Variants in ABHD2 observed in about 807,000 individuals in gnomAD.
ABHD2 encodes the protein monoacylglycerol lipase ABHD2.
Under a neutral mutation model 48.1 loss-of-function variants are expected in ABHD2, and 20 were observed. The ratio of observed to expected loss-of-function variants is 0.42; its 90% CI spans 0.29 to 0.60. The LOEUF (loss-of-function observed/expected upper bound fraction) is 0.60. Ranked by LOEUF, ABHD2 falls within the 20% of genes least tolerant of loss-of-function variation. ABHD2 has a pLI of 0.24. For synonymous variants in ABHD2, 209 were observed against 214.2 expected (o/e 0.98, Z 0.21); for missense variants, 405 against 550.9 (o/e 0.74, Z 2.65).
upstream of ABHD2, among the ~76,000 whole-genome samples, chr15:89,083,896 A>T (rs1901316210): frequency 1.3e-5 from 2 of 152,220 alleles, no homozygotes; most frequent in Admixed American, 6.5e-5. This position sits in a 1 kb window ranked among gnomAD's most constrained non-coding sequence, Gnocchi z 5.1. Context: ...ATAAGAAGCC[A>T]GACAGTCGAC....
At chr15:89,056,456 C>G in the ABHD2 span, among the ~76,000 whole-genome samples, 89 of 152,114 alleles carry the variant, frequency 5.9e-4, no homozygotes, top group African/African-American at 2.1e-3. Flanking sequence ...TCCTGGCTAA[C>G]ACGGTGAAAC....
At chr15:89,132,355 C>T (rs1479624093) in intron 3 of ABHD2, among the ~76,000 whole-genome samples, 1 of 152,106 alleles carries the variant, frequency 6.6e-6, no homozygotes, top group Non-Finnish European at 1.5e-5. Context: ...TTGCTCCCTC[C>T]CTTAACTATA....
At chr15:89,072,241 C>A in the ABHD2 span, among the ~76,000 whole-genome samples, 1 of 151,994 alleles carries the variant, frequency 6.6e-6, no homozygotes, top group African/African-American at 2.4e-5. Flanking sequence ...TCTGGGAGAC[C>A]GAGGCAGGTG....
chr15:89,107,460 A>T (rs1266547996), intron 1 of ABHD2, among the ~76,000 whole-genome samples: 1 of 152,176 alleles, frequency 6.6e-6, no homozygotes, highest in East Asian at 1.9e-4. Flanking sequence ...GGTCGTTTCT[A>T]TCTGTCAACT....
the ABHD2 span, among the ~76,000 whole-genome samples, chr15:89,058,051 A>G: frequency 6.6e-6 from 1 of 152,242 alleles, no homozygotes; most frequent in Non-Finnish European, 1.5e-5. Context: ...CTATGTCTGC[A>G]TATTTTCAAG....
rs2051469652 is a variant in ABHD2, at chr15:89,201,876, C to T, written c.*6453C>T. 2 of 706,796 alleles carry T rather than the reference C, an allele frequency of 2.8e-6. No homozygotes were observed. Among genetic ancestry groups the T allele is most frequent in the South Asian group, 1.7e-5 (1 of 59,396 alleles). 43.8% of individuals were successfully genotyped at this position (706,796 alleles called of 1,614,324 possible). The stretch of plus-strand genomic sequence containing the variant: ...GACGATGGCGAGAGGGGAGGGGGAG[C>T]GAGTTCGCATCTCTCCTTTTCCTGG... On this transcript the variant is annotated 3_prime_UTR_variant, in exon 11 of 11. Transcript: ENST00000352732.
At chr15:89,049,750 G>C in the ABHD2 span, among the ~76,000 whole-genome samples, 2 of 152,300 alleles carry the variant, frequency 1.3e-5, no homozygotes, top group African/African-American at 4.8e-5. Context: ...GCTTTGGCTG[G>C]CGCATGATGC....
chr15:89,147,595 C>A (rs900649268), intron 3 of ABHD2, among the ~76,000 whole-genome samples: 1 of 150,962 alleles, frequency 6.6e-6, no homozygotes, highest in African/African-American at 2.4e-5. Flanking sequence ...CCTCGTGATC[C>A]GCCTGCCTCG....
chr15:89,063,502 A>T, the ABHD2 span, among the ~76,000 whole-genome samples: 2 of 151,936 alleles, frequency 1.3e-5, no homozygotes, highest in East Asian at 3.9e-4. Flanking sequence ...GTTCTCAACT[A>T]ATCTCTGCCT....
At chr15:89,142,368 A>C (rs543707498) in intron 3 of ABHD2, among the ~76,000 whole-genome samples, 14 of 152,348 alleles carry the variant, frequency 9.2e-5, no homozygotes, top group Admixed American at 9.1e-4. Context: ...AGAACCACTG[A>C]GATTAGTACC....
chr15:89,140,473 C>T (rs1032577479), intron 3 of ABHD2, among the ~76,000 whole-genome samples: 3 of 151,722 alleles, frequency 2.0e-5, no homozygotes, highest in East Asian at 1.9e-4. Context: ...TTTTTTTTAA[C>T]GTTACAATAT....
At chr15:89,071,272 T>C in the ABHD2 span, among the ~76,000 whole-genome samples, 1 of 151,988 alleles carries the variant, frequency 6.6e-6, no homozygotes, top group Non-Finnish European at 1.5e-5. Context: ...ATATAAAAAA[T>C]TAGCTGGGCA....
rs562433482 is a variant in ABHD2, at chr15:89,151,536, C to T, written c.195-141C>T. 150 of 834,702 alleles carry T rather than the reference C, an allele frequency of 1.8e-4. No individual in the cohort carries two copies. The African/African-American group carries it at 2.4e-3, about 14-fold the overall frequency. 51.7% of individuals were successfully genotyped at this position (834,702 alleles called of 1,614,324 possible). ...GCGGTAAATCATGGCACGGATGTAACGTAATAAAAGCCTCATGTTTATGCT... is the reference window on the plus strand; with the variant it reads ...GCGGTAAATCATGGCACGGATGTAATGTAATAAAAGCCTCATGTTTATGCT... On this transcript the variant is annotated intron_variant, in intron 3 of 10. Transcript: ENST00000352732. This position sits in a 1 kb window ranked among gnomAD's most constrained non-coding sequence, Gnocchi z 4.7.
intron 3 of ABHD2, among the ~76,000 whole-genome samples, chr15:89,148,871 T>A (rs1046087882): frequency 2.0e-5 from 3 of 152,260 alleles, no homozygotes; most frequent in Non-Finnish European, 1.5e-5. Context: ...TTTATATGTT[T>A]ATATAAATTT....
intron 3 of ABHD2, among the ~76,000 whole-genome samples, chr15:89,121,008 C>T (rs1027184651): frequency 6.6e-6 from 1 of 152,220 alleles, no homozygotes; most frequent in East Asian, 1.9e-4. Context: ...TTGCCATGAA[C>T]ATTCACCCAT....
chr15:89,195,989 G>A lies in ABHD2; in HGVS notation c.*566G>A, dbSNP rs2051395274. The A allele has an allele frequency of 6.6e-6, 1 of 152,646 alleles. No homozygotes were observed. The highest frequency in any genetic ancestry group is 2.1e-4 in the South Asian group (1 of 4,832). 9.5% of individuals were successfully genotyped at this position (152,646 alleles called of 1,614,324 possible). Reference sequence around the variant, plus strand: ...AAGCCAAGTTTTCGCCCTGTCTCCTGAGACCATTTCCCTACGCTTTGCTGC... The same window carrying A: ...AAGCCAAGTTTTCGCCCTGTCTCCTAAGACCATTTCCCTACGCTTTGCTGC... On this transcript the variant is annotated 3_prime_UTR_variant, in exon 11 of 11. Transcript: ENST00000352732. This position sits in a 1 kb window ranked among gnomAD's most constrained non-coding sequence, Gnocchi z 5.1.
At chr15:89,145,011 C>T (rs981761415) in intron 3 of ABHD2, among the ~76,000 whole-genome samples, 1 of 152,174 alleles carries the variant, frequency 6.6e-6, no homozygotes, top group Non-Finnish European at 1.5e-5. Flanking sequence ...AATCCCAGCA[C>T]TTTGGGAGGC....
At position 89,175,456 on chromosome 15, in the gene ABHD2, G is replaced by A. The variant is rs987446771; in HGVS notation, c.539-356G>A. ...TTTAGGTCTGTGTGTGAGCATATGTGCTCATGCACACCCTGAAATCTGCTT... is the reference window on the plus strand; with the variant it reads ...TTTAGGTCTGTGTGTGAGCATATGTACTCATGCACACCCTGAAATCTGCTT... On this transcript the variant is annotated intron_variant, in intron 5 of 10. Transcript: ENST00000352732. The surrounding 1 kb of genome is among the most constrained non-coding windows in gnomAD (Gnocchi z 5.7). Among the ~76,000 whole-genome samples the A allele has an allele frequency of 2.6e-5, 4 of 152,132 alleles. No homozygotes were observed. Among genetic ancestry groups the A allele is most frequent in the Non-Finnish European group, 4.4e-5 (3 of 68,032 alleles).
chr15:89,089,518 T>C (rs983838610), intron 1 of ABHD2, among the ~76,000 whole-genome samples: 3 of 152,228 alleles, frequency 2.0e-5, no homozygotes, highest in Non-Finnish European at 4.4e-5. Context: ...TCTCTTAATC[T>C]TCCCAATCTC....
Sources: allele counts gnomAD v4.1 joint callset (sites outside exome capture counted in the v4.1 genomes callset), GRCh38; gene constraint gnomAD v4.1.1; non-coding constraint Gnocchi (gnomAD v3.1); transcripts MANE v1.5; gene names NCBI Gene and HGNC (gene_info 2026-07-23, HGNC 2026-07-21).